The following TET2 variants were observed in gnomAD, a reference collection of about 807,000 sequenced individuals.
The protein encoded by TET2 is tet methylcytosine dioxygenase 2, also known as methylcytosine dioxygenase TET2.
TET2 carries 299 observed loss-of-function variants against 142.9 expected under a neutral mutation model. That is an observed-to-expected ratio of 2.09 (90% CI 1.90 to 2.30). The LOEUF (loss-of-function observed/expected upper bound fraction) is 2.30, where lower values mean the gene tolerates loss of function less well. Ranked by LOEUF, TET2 falls within the 30% of genes most tolerant of loss-of-function variation. The pLI is 0.00. For missense variants in TET2, 2,418 were observed against 2,378.0 expected (o/e 1.02, Z -0.35); for synonymous variants, 819 against 849.0 (o/e 0.96, Z 0.61).
intron 3 of TET2, 100 bp from the exon 4 acceptor site, chr4:105,241,239 A>G (rs1729280819): frequency 7.2e-7 from 1 of 1,382,204 alleles, no homozygotes; most frequent in Non-Finnish European, 9.4e-7. Flanking sequence ...AGTCACTTTT[A>G]GAGCCCTTAA....
At position 105,194,417 on chromosome 4, in the gene TET2, A is replaced by C. The variant is rs139963838; in HGVS notation, c.-47+3912A>C. Among the ~76,000 whole-genome samples the C allele has an allele frequency of 3.0e-3, 460 of 152,186 alleles. 5 individuals are homozygous for C. Among genetic ancestry groups the C allele is most frequent in the African/African-American group, 7.3e-3 (303 of 41,530 alleles). On this transcript the variant is annotated intron_variant, in intron 2 of 10. Coordinates refer to ENST00000380013, the MANE Select transcript of TET2 (RefSeq NM_001127208.3). ...GGAATGATATTTCTACTGTTGTACT[A>C]TTTTTCTGTTTATCTTTCAGAAGAA... is the stretch of plus-strand genomic sequence containing the variant.
chr4:105,235,289 GA>G lies in TET2; in HGVS notation c.1351del (p.Ile451Ter). 6.2e-7 allele frequency: 1 copy of G among 1,614,088 alleles called. No homozygotes were observed. The highest frequency in any genetic ancestry group is 8.5e-7 in the Non-Finnish European group (1 of 1,180,014). On this transcript the variant is annotated frameshift_variant, in exon 3 of 11. Transcript: ENST00000380013. LOFTEE classifies it high-confidence loss of function. Reference sequence around the variant, plus strand: ...GTAACACAACACTTTTAAGGGAAGTGAAAATAGAGGGTAAACCTGAGGCACC... The same window carrying G: ...GTAACACAACACTTTTAAGGGAAGTGAAATAGAGGGTAAACCTGAGGCACC... Reference protein sequence around the residue: ...QSNTTLLREVKIEGKPEAPPS... With the variant: ...QSNTTLLREVXIEGKPEAPPS...
rs575075641 is a variant in TET2 at position 105,263,607 on chromosome 4, T to C, written c.4044+1759T>C. 6.2e-4 allele frequency among the ~76,000 whole-genome samples: 94 copies of C among 152,290 alleles called. 1 individual carries two copies. The South Asian group carries it at 0.019, about 30-fold the overall frequency. On this transcript the variant is annotated intron_variant, in intron 8 of 10. Transcript: ENST00000380013. The stretch of plus-strand genomic sequence containing the variant: ...GGAGAAGATATCAAAATTTTGGACA[T>C]GCTAGGCTTCTAGGTTAATTAGATG...
intron 1 of TET2, among the ~76,000 whole-genome samples, chr4:105,155,661 G>C (rs892082090): frequency 1.9e-4 from 29 of 152,248 alleles, no homozygotes; most frequent in Non-Finnish European, 1.5e-5. Context: ...GGTTGCAGCC[G>C]GTTGGATCCC....
chr4:105,164,900 C>T (rs1724073266), intron 1 of TET2, among the ~76,000 whole-genome samples: 1 of 152,202 alleles, frequency 6.6e-6, no homozygotes, highest in African/African-American at 2.4e-5. Flanking sequence ...ACCATCCTTT[C>T]ATGATCATCC....
In TET2 at chr4:105,276,845, C is replaced by CCCCCG; in HGVS notation, c.*328_*332dup. 1 of 213,034 alleles carries CCCCCG rather than the reference C, an allele frequency of 4.7e-6. No individual in the cohort carries two copies. Among genetic ancestry groups the CCCCCG allele is most frequent in the South Asian group, 1.0e-4 (1 of 9,872 alleles). 13.2% of individuals were successfully genotyped at this position (213,034 alleles called of 1,614,324 possible). ...GATGATATGTAAATGTGATCCCCCC[C>CCCCCG]CCCCGCTTACAACTCTACACATCTG... On this transcript the variant is annotated 3_prime_UTR_variant, in exon 11 of 11. Coordinates refer to ENST00000380013, the MANE Select transcript of TET2 (RefSeq NM_001127208.3).
rs1292467870 is a variant in TET2 at position 105,278,163 on chromosome 4, A to AATATATATAT, written c.*1651_*1652insTATATATATA. ...GTATTTTAGTACTGTAAAAAAATTA[A>AATATATATAT]ATATATACATATATATATATATATA... On this transcript the variant is annotated 3_prime_UTR_variant, in exon 11 of 11. Transcript: ENST00000380013. 1.7e-5 allele frequency: 2 copies of AATATATATAT among 116,730 alleles called. No homozygotes were observed. The highest frequency in any genetic ancestry group is 1.0e-4 in the Admixed American group (1 of 9,524). 7.2% of individuals were successfully genotyped at this position (116,730 alleles called of 1,614,324 possible). A position where few individuals can be genotyped will look rare whatever the true frequency, so the allele number is the denominator to read the frequency against.
rs138871964 is a variant in TET2 at position 105,189,216 on chromosome 4, G to A, written c.-192-1144G>A. On this transcript the variant is annotated intron_variant, in intron 1 of 10. Coordinates refer to ENST00000380013, the MANE Select transcript of TET2 (RefSeq NM_001127208.3). ...TAATGATGATAATGATAATAATAATGATCTTACCAGATTTTTTTGAGTGTT... is the reference window on the plus strand; with the variant it reads ...TAATGATGATAATGATAATAATAATAATCTTACCAGATTTTTTTGAGTGTT... Among the ~76,000 whole-genome samples, 1,011 of 151,674 alleles carry A rather than the reference G, an allele frequency of 6.7e-3. 9 individuals carry two copies. Among genetic ancestry groups the A allele is most frequent in the African/African-American group, 0.023 (969 of 41,418 alleles).
In TET2 at chr4:105,277,922, GCTTAAGTGTCCT is replaced by G; in HGVS notation, c.*1407_*1418del. ...TACATTGTGACGTTGTCATTTCTTAGCTTAAGTGTCCTCTTTAACAAGAGGATTGAGCAGACT... is the reference window on the plus strand; with the variant it reads ...TACATTGTGACGTTGTCATTTCTTAGCTTTAACAAGAGGATTGAGCAGACT... On this transcript the variant is annotated 3_prime_UTR_variant, in exon 11 of 11. Transcript: ENST00000380013. 1 of 216,152 alleles carries G rather than the reference GCTTAAGTGTCCT, an allele frequency of 4.6e-6. No individual in the cohort carries two copies. The highest frequency in any genetic ancestry group is 5.8e-5 in the Admixed American group (1 of 17,138). The allele number at this position is 216,152 out of a possible 1,614,324, so 13.4% of individuals were successfully genotyped here.
intron 1 of TET2, among the ~76,000 whole-genome samples, chr4:105,156,459 T>C (rs1490554664): frequency 1.3e-5 from 2 of 152,232 alleles, no homozygotes; most frequent in Non-Finnish European, 2.9e-5. Flanking sequence ...TGGGTAAAAG[T>C]AATGGTAATT....
At chr4:105,169,891 G>A (rs761563592) in intron 1 of TET2, among the ~76,000 whole-genome samples, 1 of 151,918 alleles carries the variant, frequency 6.6e-6, no homozygotes, top group South Asian at 2.1e-4. Context: ...TCAGTTGGCT[G>A]TAAGTATGTG....
chr4:105,165,091 A>T (rs1724083584), intron 1 of TET2, among the ~76,000 whole-genome samples: 1 of 152,112 alleles, frequency 6.6e-6, no homozygotes, highest in Non-Finnish European at 1.5e-5. Context: ...AAGATAGATG[A>T]TAGCCGGGTG....
chr4:105,245,480 A>G (rs1014370827), intron 6 of TET2, among the ~76,000 whole-genome samples: 2 of 151,866 alleles, frequency 1.3e-5, no homozygotes, highest in Admixed American at 6.6e-5. Context: ...ACAGGCATGC[A>G]CTACCACACC....
At chr4:105,237,459 A>G in intron 3 of TET2, 108 bp downstream of exon 3, 1 of 1,612,662 alleles carries the variant, frequency 6.2e-7, no homozygotes, top group Non-Finnish European at 8.5e-7. Flanking sequence ...TCTGGCAGCA[A>G]TTTGTAAAGG....
chr4:105,167,467 A>G (rs895528783), intron 1 of TET2, among the ~76,000 whole-genome samples: 20 of 152,242 alleles, frequency 1.3e-4, no homozygotes, highest in African/African-American at 4.8e-4. Flanking sequence ...ATGTATGTAT[A>G]TACACATGTA....
At chr4:105,181,466 T>C (rs978630409) in intron 1 of TET2, among the ~76,000 whole-genome samples, 4 of 152,184 alleles carry the variant, frequency 2.6e-5, no homozygotes, top group Admixed American at 2.6e-4. Flanking sequence ...AACACAGAGG[T>C]TGCTAAGCGA....
At chr4:105,247,094 A>G (rs1172999543) in intron 6 of TET2, among the ~76,000 whole-genome samples, 1 of 152,212 alleles carries the variant, frequency 6.6e-6, no homozygotes, top group Non-Finnish European at 1.5e-5. Context: ...ATTGTCAAAC[A>G]TAAAAGGAAA....
chr4:105,234,906 C>T lies in TET2; in HGVS notation c.964C>T (p.Leu322=). 1 of 1,614,124 alleles carries T rather than the reference C, an allele frequency of 6.2e-7. No homozygotes were observed. Among genetic ancestry groups the T allele is most frequent in the Admixed American group, 1.7e-5 (1 of 60,024 alleles). ...CTGTTCCTTTCAGAAACCAGAACAA[C>T]TACAACAACAAAAATCAGTTTTTGA... ...NTCSFQKPEQ[L]QQQKSVFEIC... The change falls in exon 3 of 11, where the codon CTA becomes TTA. Residue 322 remains leucine, a synonymous_variant. Transcript: ENST00000380013.
At chr4:105,255,661 T>C (rs1730087171) in intron 6 of TET2, among the ~76,000 whole-genome samples, 1 of 152,182 alleles carries the variant, frequency 6.6e-6, no homozygotes, top group East Asian at 1.9e-4. Context: ...ACATGTATGT[T>C]TACATTTGTT....
Sources: allele counts gnomAD v4.1 joint callset (sites outside exome capture counted in the v4.1 genomes callset), GRCh38; gene constraint gnomAD v4.1.1; transcripts MANE v1.5; gene names NCBI Gene and HGNC (gene_info 2026-07-23, HGNC 2026-07-21).